The following MAP3K13 variants were observed in gnomAD, a reference collection of about 807,000 sequenced individuals.
MAP3K13 encodes mitogen-activated protein kinase kinase kinase 13.
MAP3K13 carries 52 observed loss-of-function variants against 104.0 expected under a neutral mutation model. That is an observed-to-expected ratio of 0.50 (90% CI 0.40 to 0.63). The LOEUF is 0.63. MAP3K13 is among the 20% of genes least tolerant of loss of function. The pLI, the probability that MAP3K13 is intolerant of heterozygous loss-of-function variation, is 0.00. For missense variants in MAP3K13, 914 were observed against 1,218.5 expected (o/e 0.75, Z 3.72); for synonymous variants, 394 against 442.2 (o/e 0.89, Z 1.37).
Position 185,473,706 on chromosome 3 carries a change from C to T in MAP3K13, c.2375C>T (p.Thr792Ile). ...TGTAGGTCTGAGTCATCCCTCGGCA[C>T]CTCTCATCTCGGCACCCCTCCAGCG... ...SGCRSESSLGTSHLGTPPALP... is the reference protein window; with the variant it reads ...SGCRSESSLGISHLGTPPALP... Residue 792 changes from threonine to isoleucine, a missense_variant, in exon 11 of 14, where the codon ACC (threonine) becomes ATC (isoleucine). By Grantham distance (89) the Thr-to-Ile change is moderately conservative. Transcript: ENST00000265026. This position sits in a 1 kb window ranked among gnomAD's most constrained non-coding sequence, Gnocchi z 4.9. The T allele has an allele frequency of 6.2e-7, 1 of 1,614,102 alleles. No individual in the cohort carries two copies. The highest frequency in any genetic ancestry group is 1.3e-5 in the African/African-American group (1 of 75,046).
chr3:185,466,823 C>T lies in MAP3K13; in HGVS notation c.1506-3C>T, dbSNP rs769583240. The T allele has an allele frequency of 6.2e-7, 1 of 1,613,816 alleles. No homozygotes were observed. The highest frequency in any genetic ancestry group is 8.5e-7 in the Non-Finnish European group (1 of 1,179,852). ...AGGTGTGGCTTTTGCCTTTATTCTG[C>T]AGGCGTGAGCAAGCAGTGGAAAAGA... On this transcript the variant is annotated splice_polypyrimidine_tract_variant and splice_region_variant and intron_variant, in intron 9 of 13. Coordinates refer to ENST00000265026, the MANE Select transcript of MAP3K13 (RefSeq NM_004721.5).
chr3:185,288,441 T>A lies in MAP3K13; in HGVS notation c.-86+2798T>A, dbSNP rs1220784636. 2.7e-5 allele frequency among the ~76,000 whole-genome samples: 4 copies of A among 150,402 alleles called. No homozygotes were observed. In the Admixed American group the frequency reaches 2.7e-4, roughly 10 times the overall value. The stretch of plus-strand genomic sequence containing the variant: ...AGAATATATATATTCCAGAAAAATA[T>A]ATATAATTTATATAGAGAGAATATA... On this transcript the variant is annotated intron_variant, in intron 2 of 14. Transcript: ENST00000424227.
chr3:185,370,741 CAAAAAA>C (rs60757309), intron 1 of MAP3K13, among the ~76,000 whole-genome samples: 39 of 112,004 alleles, frequency 3.5e-4, no homozygotes, highest in Middle Eastern at 4.0e-3. Context: ...TCTCTGTAGT[CAAAAAA>C]AAAAAAAAAA....
At chr3:185,378,195 T>C (rs895013032) in intron 1 of MAP3K13, among the ~76,000 whole-genome samples, 2 of 152,176 alleles carry the variant, frequency 1.3e-5, no homozygotes, top group Non-Finnish European at 2.9e-5. Context: ...AGTCCTGTTG[T>C]GGGGTTTCAT....
At chr3:185,395,680 C>CTTTTAT (rs944906906) in intron 1 of MAP3K13, among the ~76,000 whole-genome samples, 2 of 130,002 alleles carry the variant, frequency 1.5e-5, no homozygotes, top group African/African-American at 2.7e-5. Flanking sequence ...TCTAATTCAT[C>CTTTTAT]TTTTATTTTT....
chr3:185,434,097 T>C (rs1017502), intron 2 of MAP3K13, among the ~76,000 whole-genome samples: 114,131 of 151,986 alleles, frequency 0.75, 44,631 homozygotes, highest in Non-Finnish European at 0.87. Flanking sequence ...GACTAGGCAG[T>C]GGAAGAAATT....
chr3:185,324,535 A>G (rs12639437), intron 2 of MAP3K13, among the ~76,000 whole-genome samples: 11,658 of 152,124 alleles, frequency 0.077, 626 homozygotes, highest in South Asian at 0.17. Context: ...CCGATTTCCC[A>G]GTACTTTTCA....
chr3:185,455,270 TATATGAG>T (rs1321700994), intron 7 of MAP3K13, among the ~76,000 whole-genome samples: 348 of 34,000 alleles, frequency 0.01, 29 homozygotes, highest in East Asian at 0.036. Context: ...ATATGAGATA[TATATGAG>T]ATATATGAGA....
At chr3:185,318,364 A>G (rs1342205124) in intron 2 of MAP3K13, among the ~76,000 whole-genome samples, 1 of 152,242 alleles carries the variant, frequency 6.6e-6, no homozygotes, top group East Asian at 1.9e-4. Context: ...TCATTTGACT[A>G]AGCAAACATT....
intron 1 of MAP3K13, among the ~76,000 whole-genome samples, chr3:185,284,705 T>A (rs1298466251): frequency 6.6e-6 from 1 of 151,688 alleles, no homozygotes; most frequent in Non-Finnish European, 1.5e-5. Flanking sequence ...CAGAGTTAAC[T>A]CCTCAGGAAC....
At chr3:185,446,350 G>A (rs1397499108) in intron 4 of MAP3K13, among the ~76,000 whole-genome samples, 3 of 151,834 alleles carry the variant, frequency 2.0e-5, no homozygotes, top group East Asian at 1.9e-4. Context: ...CCGCCTCCCG[G>A]GTTCACGCCA....
At chr3:185,404,712 G>A (rs1713011264) in intron 1 of MAP3K13, among the ~76,000 whole-genome samples, 1 of 152,076 alleles carries the variant, frequency 6.6e-6, no homozygotes, top group African/African-American at 2.4e-5. Flanking sequence ...AAATAGGTGG[G>A]ATTACAGGTG....
chr3:185,461,677 C>T lies in MAP3K13; in HGVS notation c.1279-1873C>T, dbSNP rs1037925585. Among the ~76,000 whole-genome samples the T allele has an allele frequency of 2.0e-5, 3 of 152,110 alleles. No individual in the cohort carries two copies. The South Asian group carries it at 6.2e-4, about 32-fold the overall frequency. Reference sequence around the variant, plus strand: ...TCCCGGGTTCAAGCGGTTCTCCTGCCTCAGCCTGCCGAATAGCTGGCATTG... The same window carrying T: ...TCCCGGGTTCAAGCGGTTCTCCTGCTTCAGCCTGCCGAATAGCTGGCATTG... On this transcript the variant is annotated intron_variant, in intron 7 of 13. Coordinates refer to ENST00000265026, the MANE Select transcript of MAP3K13 (RefSeq NM_004721.5).
At chr3:185,287,437 C>A (rs1720560684) in intron 2 of MAP3K13, among the ~76,000 whole-genome samples, 1 of 152,178 alleles carries the variant, frequency 6.6e-6, no homozygotes, top group South Asian at 2.1e-4. Context: ...TTGGCAATCT[C>A]ATTTTGTATT....
intron 7 of MAP3K13, among the ~76,000 whole-genome samples, chr3:185,463,119 T>C (rs1254579853): frequency 6.6e-6 from 1 of 152,192 alleles, no homozygotes; most frequent in African/African-American, 2.4e-5. Flanking sequence ...AAACAAAGCC[T>C]AGGAGGAATT....
At chr3:185,363,477 AC>A (rs1577466581) in intron 1 of MAP3K13, 109 bp downstream of exon 1, 1 of 507,148 alleles carries the variant, frequency 2.0e-6, no homozygotes, top group Admixed American at 6.4e-5. Context: ...TGAGGGCGAC[AC>A]CGTGAGAGAG....
At chr3:185,415,446 C>G (rs574864349) in intron 1 of MAP3K13, among the ~76,000 whole-genome samples, 1 of 152,100 alleles carries the variant, frequency 6.6e-6, no homozygotes, top group Non-Finnish European at 1.5e-5. Flanking sequence ...GTATGAGCCA[C>G]CATGCCCTGC....
intron 2 of MAP3K13, among the ~76,000 whole-genome samples, chr3:185,297,893 T>G (rs1023440650): frequency 1.3e-5 from 2 of 152,130 alleles, no homozygotes; most frequent in African/African-American, 4.8e-5. Context: ...TCTCTCTCTG[T>G]GTGCATACAA....
intron 1 of MAP3K13, among the ~76,000 whole-genome samples, chr3:185,383,437 C>T (rs1711511422): frequency 6.6e-6 from 1 of 151,928 alleles, no homozygotes; most frequent in African/African-American, 2.4e-5. Context: ...TGGCGGGCAC[C>T]TGTAGTCCCA....
Sources: gnomAD v4.1 joint callset for allele counts (sites outside exome capture counted in the v4.1 genomes callset) on GRCh38, gnomAD v4.1.1 for gene constraint, Gnocchi (gnomAD v3.1) non-coding constraint, MANE v1.5 for transcripts, NCBI Gene and HGNC (gene_info 2026-07-23, HGNC 2026-07-21) for gene names.